The following LRRD1 variants were observed in gnomAD, a reference collection of about 807,000 sequenced individuals.
The protein encoded by LRRD1 is leucine rich repeats and death domain containing 1.
Under a neutral mutation model 69.5 loss-of-function variants are expected in LRRD1, and 49 were observed. The ratio of observed to expected loss-of-function variants is 0.70; its 90% CI spans 0.56 to 0.89. The LOEUF is 0.89. Ranked by LOEUF, LRRD1 falls within the 40% of genes least tolerant of loss-of-function variation. LRRD1 has a pLI of 0.00. For missense variants in LRRD1, 853 were observed against 956.0 expected, an observed-to-expected ratio of 0.89 and a Z score of 1.42; for synonymous variants, 303 against 338.9, an observed-to-expected ratio of 0.89 and a Z score of 1.16.
intron 1 of LRRD1, among the ~76,000 whole-genome samples, chr7:92,175,179 G>T (rs1343127035): frequency 6.6e-6 from 1 of 152,126 alleles, no homozygotes; most frequent in South Asian, 2.1e-4. Flanking sequence ...TTTTACTATG[G>T]CTGAGTCAAA....
intron 3 of LRRD1, among the ~76,000 whole-genome samples, chr7:92,157,760 A>T (rs1788698924): frequency 6.6e-6 from 1 of 151,142 alleles, no homozygotes; most frequent in Admixed American, 6.6e-5. Context: ...TTTTTTAAGT[A>T]GAGCCGGGGT....
intron 1 of LRRD1, among the ~76,000 whole-genome samples, chr7:92,169,718 G>A (rs941158943): frequency 2.0e-5 from 3 of 151,910 alleles, no homozygotes; most frequent in Non-Finnish European, 2.9e-5. Flanking sequence ...GCTCTCAACA[G>A]TAGAACAGAT....
intron 4 of LRRD1, among the ~76,000 whole-genome samples, chr7:92,147,067 C>CT (rs371802875): frequency 0.43 from 62,273 of 143,872 alleles, 13,894 homozygotes; most frequent in African/African-American, 0.56. Context: ...TTATAAGCAA[C>CT]TTTTTTTTTT....
downstream of LRRD1, chr7:92,144,831 C>A: frequency 9.5e-7 from 1 of 1,049,022 alleles, no homozygotes; most frequent in Non-Finnish European, 1.3e-6. Context: ...GGTTCACAAA[C>A]ACAGTTTCAA....
intron 1 of LRRD1, among the ~76,000 whole-genome samples, chr7:92,168,063 C>G (rs752211150): frequency 1.3e-5 from 2 of 151,762 alleles, no homozygotes; most frequent in Non-Finnish European, 2.9e-5. Context: ...TACAGGGCCA[C>G]GATTATTACC....
At position 92,150,527 on chromosome 7, in the gene LRRD1, CA is replaced by C; in HGVS notation, c.2278+6del. On this transcript the variant is annotated splice_donor_region_variant and intron_variant, in intron 4 of 5. Transcript: ENST00000458448. ...ACTTGTTAGATAGTCAATCACTCAT[CA>C]CCTACCATCTCTTTCATCTGCCCTC... 1 of 1,523,724 alleles carries C rather than the reference CA, an allele frequency of 6.6e-7. No individual in the cohort carries two copies. Among genetic ancestry groups the C allele is most frequent in the Non-Finnish European group, 8.8e-7 (1 of 1,134,448 alleles). The allele number at this position is 1,523,724 out of a possible 1,614,324, so 94.4% of individuals were successfully genotyped here. A position where few individuals can be genotyped will look rare whatever the true frequency, so the allele number is the denominator to read the frequency against.
chr7:92,167,513 A>G (rs997170324), intron 1 of LRRD1, among the ~76,000 whole-genome samples: 4 of 152,190 alleles, frequency 2.6e-5, no homozygotes, highest in Non-Finnish European at 5.9e-5. Flanking sequence ...AATTATTTCA[A>G]AATAGAAAAA....
intron 1 of LRRD1, among the ~76,000 whole-genome samples, chr7:92,178,583 T>C (rs1384154412): frequency 2.0e-5 from 3 of 151,326 alleles, no homozygotes; most frequent in Non-Finnish European, 4.4e-5. Flanking sequence ...GACAGGAGAA[T>C]TACTTGAACC....
chr7:92,157,062 G>A (rs928608804), intron 3 of LRRD1, among the ~76,000 whole-genome samples: 1 of 87,838 alleles, frequency 1.1e-5, no homozygotes, highest in Non-Finnish European at 2.2e-5. Context: ...ATGAGGTCTT[G>A]TTTTGTTGCC....
chr7:92,177,930 G>A (rs1789232575), intron 1 of LRRD1, among the ~76,000 whole-genome samples: 1 of 152,136 alleles, frequency 6.6e-6, no homozygotes, highest in South Asian at 2.1e-4. Flanking sequence ...TTAACATGCA[G>A]TGATTTGAAA....
rs1433975844 is a variant in LRRD1, at chr7:92,163,606, T to C, written c.1597A>G (p.Ile533Val). The change falls in exon 2 of 6, where the codon ATT becomes GTT. Residue 533 changes from isoleucine (I) to valine (V), a missense_variant. Ile to Val is a conservative substitution (Grantham distance 29). Coordinates refer to ENST00000458448, the MANE Select transcript of LRRD1 (RefSeq NM_001161528.2). ...LIFSEHFCSL[I>V]NLKYLDLGKN... is the part of the protein sequence containing the mutation. ...CCAAGATCCAGGTATTTAAGATTAATAAGAGAACAAAAGTGCTCAGAAAAT... is the reference window on the plus strand; with the variant it reads ...CCAAGATCCAGGTATTTAAGATTAACAAGAGAACAAAAGTGCTCAGAAAAT... 8.5e-6 allele frequency: 13 copies of C among 1,524,996 alleles called. No individual in the cohort carries two copies. The highest frequency in any genetic ancestry group is 1.4e-5 in the African/African-American group (1 of 71,156). The allele number at this position is 1,524,996 out of a possible 1,614,324, so 94.5% of individuals were successfully genotyped here. A position where few individuals can be genotyped will look rare whatever the true frequency, so the allele number is the denominator to read the frequency against.
intron 1 of LRRD1, among the ~76,000 whole-genome samples, chr7:92,171,680 T>C (rs933415837): frequency 4.6e-5 from 7 of 152,130 alleles, no homozygotes; most frequent in African/African-American, 1.4e-4. Flanking sequence ...ACGAGGCCAG[T>C]GTTACCCTGA....
In LRRD1 at chr7:92,164,025, C is replaced by T. The variant is rs566173796; in HGVS notation, c.1178G>A (p.Cys393Tyr). 4.5e-6 allele frequency: 7 copies of T among 1,539,982 alleles called. No individual in the cohort carries two copies. In the South Asian group the frequency reaches 7.3e-5, roughly 16 times the overall value. The stretch of plus-strand genomic sequence containing the variant: ...ACTAAGGCATTCCAACATTGCACAG[C>T]AAGATATTTTCTCTGGTATATTTTT... ...LLKNIPEKIS[C>Y]CAMLECLSLS... is the part of the protein sequence containing the mutation. Residue 393 changes from cysteine (C) to tyrosine (Y), a missense_variant, in exon 2 of 6, where the codon TGC becomes TAC. Cys to Tyr is a radical substitution (Grantham distance 194, BLOSUM62 -2). Around this residue, in one of 3 missense-constraint regions of LRRD1, gnomAD observed 739 missense variants for 808.0 expected, o/e 0.91. Coordinates refer to ENST00000458448, the MANE Select transcript of LRRD1 (RefSeq NM_001161528.2).
rs114031257 is a variant in LRRD1, at chr7:92,150,593, C to T, written c.2219G>A (p.Cys740Tyr). 2 of 1,551,470 alleles carry T rather than the reference C, an allele frequency of 1.3e-6. No homozygotes were observed. The highest frequency in any genetic ancestry group is 2.4e-5 in the East Asian group (1 of 40,924). Residue 740 changes from cysteine to tyrosine, a missense_variant, in exon 4 of 6, where the codon TGT becomes TAT. Physicochemically the swap from Cys to Tyr is radical, Grantham distance 194. This residue lies in a region of LRRD1 where 739 missense variants were observed against 808.0 expected (regional missense o/e 0.91). Transcript: ENST00000458448. ...AATAGTATACAACTGTTTTCCTTTA[C>T]AGATTTCCACTGGAGGTCTCAGCAA... Reference protein sequence around the residue: ...NPLLRPPVEICKGKQLYTIAR... With the variant: ...NPLLRPPVEIYKGKQLYTIAR...
chr7:92,175,989 A>T (rs1479333733), intron 1 of LRRD1, among the ~76,000 whole-genome samples: 1 of 152,218 alleles, frequency 6.6e-6, no homozygotes, highest in Non-Finnish European at 1.5e-5. Context: ...TTTAATGATT[A>T]TAACTTTGTA....
chr7:92,175,810 A>T (rs1160058276), intron 1 of LRRD1, among the ~76,000 whole-genome samples: 1 of 152,170 alleles, frequency 6.6e-6, no homozygotes, highest in African/African-American at 2.4e-5. Context: ...TGAAATAAGG[A>T]TCTAATTTAT....
downstream of LRRD1, chr7:92,142,849 G>A (rs578020279): frequency 5.3e-4 from 211 of 397,702 alleles, 2 homozygotes; most frequent in South Asian, 3.5e-3. Flanking sequence ...GAGTGTTACA[G>A]CTCATAAAGG....
intron 1 of LRRD1, among the ~76,000 whole-genome samples, chr7:92,167,116 T>C (rs541371922): frequency 1.3e-5 from 2 of 150,036 alleles, no homozygotes; most frequent in South Asian, 2.1e-4. Context: ...TTTTTTTTTG[T>C]GGGGACAGTC....
At chr7:92,175,474 TC>T (rs1789171950) in intron 1 of LRRD1, among the ~76,000 whole-genome samples, 1 of 152,118 alleles carries the variant, frequency 6.6e-6, no homozygotes, top group Admixed American at 6.5e-5. Flanking sequence ...ATGGTGAAAC[TC>T]TGTCTCCACT....
Sources: allele counts gnomAD v4.1 joint callset (sites outside exome capture counted in the v4.1 genomes callset), GRCh38; gene constraint gnomAD v4.1.1; regional missense constraint gnomAD v4.1.1; transcripts MANE v1.5; gene names NCBI Gene and HGNC (gene_info 2026-07-23, HGNC 2026-07-21).